Variants in ADAMTSL1 observed in about 807,000 individuals in gnomAD.
ADAMTSL1 encodes ADAMTS like 1.
Under a neutral mutation model 201.8 loss-of-function variants are expected in ADAMTSL1, and 126 were observed. The ratio of observed to expected loss-of-function variants is 0.62; its 90% CI spans 0.54 to 0.72. ADAMTSL1 has a LOEUF of 0.72. ADAMTSL1 is among the 30% of genes least tolerant of loss of function. The pLI is 0.00. For missense variants in ADAMTSL1, 2,679 were observed against 2,277.8 expected, an observed-to-expected ratio of 1.18 and a Z score of -3.59; for synonymous variants, 1,121 against 903.4, an observed-to-expected ratio of 1.24 and a Z score of -4.32.
intron 2 of ADAMTSL1, among the ~76,000 whole-genome samples, chr9:18,188,218 G>T (rs2132219355): frequency 6.6e-6 from 1 of 152,218 alleles, no homozygotes; most frequent in South Asian, 2.1e-4. Context: ...TGTAAAATCT[G>T]GAGTTGATTG....
At chr9:18,607,894 A>G (rs556009901) in intron 4 of ADAMTSL1, among the ~76,000 whole-genome samples, 1 of 152,308 alleles carries the variant, frequency 6.6e-6, no homozygotes, top group African/African-American at 2.4e-5. Flanking sequence ...ATGTCCCTAC[A>G]AAGGACATGA....
At chr9:18,427,452 T>C (rs1287979981) in intron 2 of ADAMTSL1, among the ~76,000 whole-genome samples, 1 of 152,246 alleles carries the variant, frequency 6.6e-6, no homozygotes, top group Non-Finnish European at 1.5e-5. Flanking sequence ...GACTTCTATA[T>C]CTAAACAAAT....
chr9:18,752,780 G>C (rs1349714463), intron 15 of ADAMTSL1, among the ~76,000 whole-genome samples: 1 of 152,190 alleles, frequency 6.6e-6, no homozygotes, highest in African/African-American at 2.4e-5. Context: ...ATGTTTAAAC[G>C]TAAGACAGAG....
intron 1 of ADAMTSL1, among the ~76,000 whole-genome samples, chr9:17,940,878 T>A (rs1827215788): frequency 7.4e-6 from 1 of 135,098 alleles, no homozygotes; most frequent in East Asian, 2.5e-4. Flanking sequence ...AGTGGTAGAT[T>A]TTTCTGCACT....
At chr9:18,719,652 C>T (rs1392865255) in intron 14 of ADAMTSL1, among the ~76,000 whole-genome samples, 2 of 152,206 alleles carry the variant, frequency 1.3e-5, no homozygotes, top group African/African-American at 4.8e-5. Flanking sequence ...GCATGAGCCA[C>T]TGTGCCTGGC....
intron 2 of ADAMTSL1, among the ~76,000 whole-genome samples, chr9:18,455,478 T>C (rs536303822): frequency 3.7e-4 from 57 of 152,304 alleles, no homozygotes; most frequent in African/African-American, 1.3e-3. Context: ...AAATGCATTT[T>C]GCACTTTAAT....
chr9:18,095,574 C>T (rs942039986), intron 1 of ADAMTSL1, among the ~76,000 whole-genome samples: 4 of 152,018 alleles, frequency 2.6e-5, no homozygotes, highest in African/African-American at 9.7e-5. Flanking sequence ...AGGCACATGC[C>T]ACCACGCCCG....
In ADAMTSL1 at chr9:18,076,669, G is replaced by A. The variant is rs1466063141; in HGVS notation, c.88-87193G>A. Among the ~76,000 whole-genome samples the A allele has an allele frequency of 3.3e-5, 5 of 152,336 alleles. 1 individual carries two copies. The South Asian group carries it at 1.0e-3, about 32-fold the overall frequency. ...TTAGGGGAATGTACAAGCAGCTAAT[G>A]TTGGCCAGTGTGGCAATGTCATGTG... On this transcript the variant is annotated intron_variant, in intron 1 of 29. Transcript: ENST00000680146.
At chr9:18,093,868 G>T (rs1466988297) in intron 1 of ADAMTSL1, among the ~76,000 whole-genome samples, 1 of 152,118 alleles carries the variant, frequency 6.6e-6, no homozygotes, top group East Asian at 1.9e-4. Flanking sequence ...ATGAGGACAG[G>T]GCTCACTAGT....
chr9:18,155,241 T>C (rs73424915), intron 1 of ADAMTSL1, among the ~76,000 whole-genome samples: 8,054 of 152,170 alleles, frequency 0.053, 620 homozygotes, highest in African/African-American at 0.17. Context: ...CAGGAAATGA[T>C]TTAATTTACT....
intron 2 of ADAMTSL1, among the ~76,000 whole-genome samples, chr9:18,268,074 C>G (rs1832211402): frequency 6.6e-6 from 1 of 152,114 alleles, no homozygotes; most frequent in Non-Finnish European, 1.5e-5. Context: ...TGTGAACCTT[C>G]CTTTGGTATA....
At chr9:18,271,942 T>C (rs908134482) in intron 2 of ADAMTSL1, among the ~76,000 whole-genome samples, 7 of 151,772 alleles carry the variant, frequency 4.6e-5, no homozygotes, top group African/African-American at 1.7e-4. Context: ...ATGAGCATTT[T>C]TTCATGTGTC....
intron 3 of ADAMTSL1, among the ~76,000 whole-genome samples, chr9:18,564,278 C>T (rs1183464406): frequency 2.0e-5 from 3 of 152,156 alleles, no homozygotes; most frequent in East Asian, 1.9e-4. Context: ...TTCCTCAACC[C>T]GTTGCACTTC....
At chr9:18,410,792 T>A (rs1818404734) in intron 2 of ADAMTSL1, among the ~76,000 whole-genome samples, 1 of 151,934 alleles carries the variant, frequency 6.6e-6, no homozygotes, top group Non-Finnish European at 1.5e-5. Context: ...TTGCCCTGAA[T>A]CTTTTAATCT....
At chr9:18,300,531 A>G (rs372996737) in intron 2 of ADAMTSL1, among the ~76,000 whole-genome samples, 1 of 152,208 alleles carries the variant, frequency 6.6e-6, no homozygotes, top group South Asian at 2.1e-4. Flanking sequence ...TGATGGGTGC[A>G]GCAAACCAGC....
chr9:18,716,712 A>G (rs1372470375), intron 14 of ADAMTSL1, among the ~76,000 whole-genome samples: 1 of 149,014 alleles, frequency 6.7e-6, no homozygotes, highest in Admixed American at 6.8e-5. Flanking sequence ...TAGAAATACC[A>G]TTTGATCCAG....
At chr9:18,738,584 T>G (rs943302476) in intron 15 of ADAMTSL1, among the ~76,000 whole-genome samples, 9 of 152,304 alleles carry the variant, frequency 5.9e-5, no homozygotes, top group Admixed American at 5.9e-4. Context: ...TCCAATGTTC[T>G]TATTCAGAAT....
intron 23 of ADAMTSL1, among the ~76,000 whole-genome samples, chr9:18,841,264 C>A (rs1825698736): frequency 6.6e-6 from 1 of 151,912 alleles, no homozygotes; most frequent in African/African-American, 2.4e-5. Flanking sequence ...TGAATTTTGT[C>A]AAAGGCCTTT....
At chr9:18,447,605 A>C in intron 2 of ADAMTSL1, among the ~76,000 whole-genome samples, 1 of 152,226 alleles carries the variant, frequency 6.6e-6, no homozygotes, top group East Asian at 1.9e-4. Context: ...CACCTGATGC[A>C]AAACAAAATG....
Sources: gnomAD v4.1 joint callset for allele counts (sites outside exome capture counted in the v4.1 genomes callset) on GRCh38, gnomAD v4.1.1 for gene constraint, MANE v1.5 for transcripts, NCBI Gene and HGNC (gene_info 2026-07-23, HGNC 2026-07-21) for gene names.